The following PCDHA4 variants were observed in gnomAD, a reference collection of about 807,000 sequenced individuals.
PCDHA4 encodes protocadherin alpha-4.
Under a neutral mutation model 61.4 loss-of-function variants are expected in PCDHA4, and 49 were observed. That is an observed-to-expected ratio of 0.80 (90% CI 0.63 to 1.01). The LOEUF is 1.01. PCDHA4 is among the 50% of genes least tolerant of loss of function. The pLI, the probability that PCDHA4 is intolerant of heterozygous loss-of-function variation, is 0.00. For missense variants in PCDHA4, 1,254 were observed against 1,235.8 expected, an observed-to-expected ratio of 1.01 and a Z score of -0.22; for synonymous variants, 590 against 550.3, an observed-to-expected ratio of 1.07 and a Z score of -1.01.
intron 3 of PCDHA4, among the ~76,000 whole-genome samples, chr5:141,000,558 G>C (rs1462892656): frequency 6.7e-6 from 1 of 149,136 alleles, no homozygotes; most frequent in African/African-American, 2.5e-5. Context: ...CTCCCGAGTA[G>C]CTGGGATTAC....
rs565441433 is a variant in PCDHA4, at chr5:141,011,340, A to G, written c.*1403A>G. 6.5e-6 allele frequency: 1 copy of G among 153,828 alleles called. No homozygotes were observed. Among genetic ancestry groups the G allele is most frequent in the African/African-American group, 2.4e-5 (1 of 41,570 alleles). 9.5% of individuals were successfully genotyped at this position (153,828 alleles called of 1,614,324 possible). On this transcript the variant is annotated 3_prime_UTR_variant, in exon 4 of 4. Transcript: ENST00000530339. Reference sequence around the variant, plus strand: ...ACTAACACCTATGATGTTACCTGAAATCAATCTCCCATATGTATGCTGTAT... The same window carrying G: ...ACTAACACCTATGATGTTACCTGAAGTCAATCTCCCATATGTATGCTGTAT...
At chr5:140,968,657 G>C in intron 1 of PCDHA4, 1 of 1,614,142 alleles carries the variant, frequency 6.2e-7, no homozygotes, top group Non-Finnish European at 8.5e-7. Context: ...TTCTGACCTG[G>C]ACCTCTTTAA....
At chr5:140,822,270 A>G (rs2150115049) in intron 1 of PCDHA4, 7 of 1,614,138 alleles carry the variant, frequency 4.3e-6, no homozygotes, top group African/African-American at 4.0e-5. Flanking sequence ...GAGCAAATGC[A>G]CAATTGAGAT....
chr5:140,842,711 G>A lies in PCDHA4; in HGVS notation c.2385+33139G>A, dbSNP rs1554139301. ...CGCGCAGCCCGAGTACACGGTGTTC[G>A]TGAAGGAGAACAACCCGCCGGGCTG... On this transcript the variant is annotated intron_variant, in intron 1 of 3. Coordinates refer to ENST00000530339, the MANE Select transcript of PCDHA4 (RefSeq NM_018907.4). The A allele has an allele frequency of 2.5e-6, 4 of 1,595,274 alleles. No individual in the cohort carries two copies. The South Asian group carries it at 4.4e-5, about 18-fold the overall frequency.
At chr5:140,856,030 A>G in intron 1 of PCDHA4, 2 of 1,561,578 alleles carry the variant, frequency 1.3e-6, no homozygotes, top group East Asian at 4.5e-5. Context: ...GTCGATTTGT[A>G]AAACAAGAGA....
chr5:140,840,160 G>A (rs1039841732), intron 1 of PCDHA4, among the ~76,000 whole-genome samples: 17 of 152,042 alleles, frequency 1.1e-4, no homozygotes, highest in African/African-American at 3.9e-4. Context: ...AAGGAGAGAT[G>A]GGATGTATAC....
chr5:140,907,693 G>A (rs573463032), intron 1 of PCDHA4, among the ~76,000 whole-genome samples: 49 of 152,318 alleles, frequency 3.2e-4, no homozygotes, highest in Non-Finnish European at 6.5e-4. Flanking sequence ...GTGAGTGGAA[G>A]TCCCTGTTGC....
intron 1 of PCDHA4, among the ~76,000 whole-genome samples, chr5:140,917,128 C>T (rs2077898518): frequency 6.6e-6 from 1 of 152,044 alleles, no homozygotes; most frequent in Non-Finnish European, 1.5e-5. Flanking sequence ...GCAGACTCCC[C>T]ACGTTGCTCA....
intron 1 of PCDHA4, among the ~76,000 whole-genome samples, chr5:140,965,212 T>G (rs1360102713): frequency 6.6e-6 from 1 of 152,180 alleles, no homozygotes; most frequent in African/African-American, 2.4e-5. Context: ...CAAATTCCTG[T>G]GGAAGAAATG....
intron 1 of PCDHA4, chr5:140,870,643 G>C (rs782549928): frequency 6.2e-7 from 1 of 1,612,678 alleles, no homozygotes; most frequent in African/African-American, 1.3e-5. Flanking sequence ...CGCGGAGAGC[G>C]GCAAGGTGTA....
chr5:140,887,309 G>T (rs2061400609), intron 1 of PCDHA4, among the ~76,000 whole-genome samples: 1 of 152,182 alleles, frequency 6.6e-6, no homozygotes, highest in South Asian at 2.1e-4. Flanking sequence ...TGTTAGCCAG[G>T]ATAGTCTCGA....
chr5:140,807,568 C>G lies in PCDHA4; in HGVS notation c.381C>G (p.Asn127Lys), dbSNP rs782590169. 6.8e-6 allele frequency: 11 copies of G among 1,614,056 alleles called. No homozygotes were observed. The African/African-American group carries it at 1.5e-4, about 22-fold the overall frequency. The change falls in exon 1 of 4, where the codon AAC (asparagine) becomes AAG (lysine). Residue 127 changes from asparagine to lysine, a missense_variant. Coordinates refer to ENST00000530339, the MANE Select transcript of PCDHA4 (RefSeq NM_018907.4). Reference sequence around the variant, plus strand: ...TGGACGTGGAGGTGAGGGACATTAACGATAACCCGCCGGTGTTCCCAGCAA... The same window carrying G: ...TGGACGTGGAGGTGAGGGACATTAAGGATAACCCGCCGGTGTTCCCAGCAA... ...FHVDVEVRDI[N>K]DNPPVFPATQ...
intron 1 of PCDHA4, chr5:140,929,103 G>A: frequency 6.2e-7 from 1 of 1,614,180 alleles, no homozygotes; most frequent in African/African-American, 1.3e-5. Flanking sequence ...ATCCTTGCAT[G>A]ACATCAGCCA....
chr5:140,830,593 A>G lies in PCDHA4; in HGVS notation c.2385+21021A>G, dbSNP rs1771152792. 4.2e-6 allele frequency: 3 copies of G among 705,892 alleles called. No individual in the cohort carries two copies. The South Asian group carries it at 1.3e-4, about 30-fold the overall frequency. The allele number at this position is 705,892 out of a possible 1,614,324, so 43.7% of individuals were successfully genotyped here. A position where few individuals can be genotyped will look rare whatever the true frequency, so the allele number is the denominator to read the frequency against. ...TTTTTAATTTTTAATTAATTTTACA[A>G]AATTACATATTTTCATTTTATTGTG... On this transcript the variant is annotated intron_variant, in intron 1 of 3. Coordinates refer to ENST00000530339, the MANE Select transcript of PCDHA4 (RefSeq NM_018907.4).
chr5:140,900,167 T>C (rs756471243), intron 1 of PCDHA4, among the ~76,000 whole-genome samples: 1 of 152,238 alleles, frequency 6.6e-6, no homozygotes, highest in Non-Finnish European at 1.5e-5. Context: ...TGTCTTTCTG[T>C]GCCTGGTTTA....
chr5:140,893,795 C>T (rs1030354295), intron 1 of PCDHA4, among the ~76,000 whole-genome samples: 34 of 152,002 alleles, frequency 2.2e-4, no homozygotes, highest in African/African-American at 7.7e-4. Context: ...TTAGAATTCC[C>T]TCCTTGTCTT....
At position 140,926,602 on chromosome 5, in the gene PCDHA4, C is replaced by T. The variant is rs1326525373; in HGVS notation, c.2386-52347C>T. 9 of 324,032 alleles carry T rather than the reference C, an allele frequency of 2.8e-5. No homozygotes were observed. The East Asian group carries it at 4.7e-4, about 17-fold the overall frequency. The allele number at this position is 324,032 out of a possible 1,614,324, so 20.1% of individuals were successfully genotyped here. On this transcript the variant is annotated intron_variant, in intron 1 of 3. Coordinates refer to ENST00000530339, the MANE Select transcript of PCDHA4 (RefSeq NM_018907.4). ...CCTCTCGCGCCCGGGCGGGCGGCCT[C>T]GTCTCTGCACCCCTAGGCGGCGCTG...
At position 140,849,582 on chromosome 5, in the gene PCDHA4, G is replaced by A. The variant is rs2150441329; in HGVS notation, c.2385+40010G>A. On this transcript the variant is annotated intron_variant, in intron 1 of 3. Transcript: ENST00000530339. Reference sequence around the variant, plus strand: ...GCTCTCGGTTCCTGTAAAAGAGGACGCACAACTGGGGACAGTTATTGCCCT... The same window carrying A: ...GCTCTCGGTTCCTGTAAAAGAGGACACACAACTGGGGACAGTTATTGCCCT... 80 of 1,598,576 alleles carry A rather than the reference G, an allele frequency of 5.0e-5. 10 individuals are homozygous for A. Among genetic ancestry groups the A allele is most frequent in the Non-Finnish European group, 6.6e-5 (77 of 1,167,978 alleles).
At chr5:140,834,176 G>A (rs1772828116) in intron 1 of PCDHA4, 1 of 555,612 alleles carries the variant, frequency 1.8e-6, no homozygotes, top group Admixed American at 3.3e-5. Context: ...TTACATGATG[G>A]CCACATGATG....
Sources: allele counts gnomAD v4.1 joint callset (sites outside exome capture counted in the v4.1 genomes callset), GRCh38; gene constraint gnomAD v4.1.1; transcripts MANE v1.5; gene names NCBI Gene and HGNC (gene_info 2026-07-23, HGNC 2026-07-21).